PAN3: variants seen among roughly 807,000 people sequenced by gnomAD.
PAN3 encodes poly(A) specific ribonuclease subunit PAN3.
PAN3 carries 19 observed loss-of-function variants against 96.2 expected under a neutral mutation model. That is an observed-to-expected ratio of 0.20 (90% confidence interval 0.14 to 0.29). The LOEUF (loss-of-function observed/expected upper bound fraction) is 0.29, where lower values mean the gene tolerates loss of function less well. Ranked by LOEUF, PAN3 falls within the 10% of genes least tolerant of loss-of-function variation. The pLI is 1.00. For missense variants in PAN3, 882 were observed against 1,108.1 expected (o/e 0.80, Z 2.90); for synonymous variants, 433 against 406.6 (o/e 1.06, Z -0.78).
chr13:28,291,776 A>G (rs1869781301), intron 18 of PAN3, among the ~76,000 whole-genome samples: 1 of 152,158 alleles, frequency 6.6e-6, no homozygotes, highest in Admixed American at 6.5e-5. Context: ...GGTTGCAGTG[A>G]GCCAAGATTG....
intron 9 of PAN3, among the ~76,000 whole-genome samples, chr13:28,262,583 T>A (rs912061473): frequency 8.5e-5 from 13 of 152,162 alleles, no homozygotes; most frequent in African/African-American, 3.1e-4. Flanking sequence ...AATATTGTAT[T>A]TGAGGCTTTA....
At position 28,264,517 on chromosome 13, in the gene PAN3, C is replaced by CT. The variant is rs1433573490; in HGVS notation, c.1412-2197dup. Reference sequence around the variant, plus strand: ...CCATTGCGCTCCATCCTGGGAGACTCTGTCTCCAAAAAAAAAGAAAAAAGT... The same window carrying CT: ...CCATTGCGCTCCATCCTGGGAGACTCTTGTCTCCAAAAAAAAAGAAAAAAGT... On this transcript the variant is annotated intron_variant, in intron 9 of 18. Coordinates refer to ENST00000380958, the MANE Select transcript of PAN3 (RefSeq NM_175854.8). Among the ~76,000 whole-genome samples the CT allele has an allele frequency of 3.9e-5, 6 of 151,938 alleles. No individual in the cohort carries two copies. The East Asian group carries it at 1.2e-3, about 29-fold the overall frequency.
chr13:28,232,822 T>C (rs1882718021), intron 6 of PAN3, among the ~76,000 whole-genome samples: 1 of 152,102 alleles, frequency 6.6e-6, no homozygotes, highest in Non-Finnish European at 1.5e-5. Flanking sequence ...AAAGACTCCC[T>C]TTTATTATGT....
chr13:28,146,512 T>A (rs1351496422), intron 1 of PAN3, among the ~76,000 whole-genome samples: 1 of 152,124 alleles, frequency 6.6e-6, no homozygotes, highest in Non-Finnish European at 1.5e-5. Context: ...GAGGGCTCTC[T>A]CCTGGCTATA....
chr13:28,284,084 A>G (rs773183822), intron 17 of PAN3, among the ~76,000 whole-genome samples: 5 of 152,248 alleles, frequency 3.3e-5, no homozygotes, highest in Non-Finnish European at 5.9e-5. Context: ...GTGTGCCACT[A>G]TAATTTCATA....
At chr13:28,183,261 C>A (rs1055505101) in intron 4 of PAN3, among the ~76,000 whole-genome samples, 3 of 152,072 alleles carry the variant, frequency 2.0e-5, no homozygotes, top group Admixed American at 6.6e-5. Context: ...TTTTTAGGTT[C>A]TTTATGTATG....
At chr13:28,233,548 T>G (rs1243688821) in intron 6 of PAN3, among the ~76,000 whole-genome samples, 1 of 152,180 alleles carries the variant, frequency 6.6e-6, no homozygotes, top group Non-Finnish European at 1.5e-5. Context: ...ATTACAGGCA[T>G]GAGCCACCAT....
At chr13:28,179,231 TG>T (rs1348586249) in intron 4 of PAN3, among the ~76,000 whole-genome samples, 2 of 152,144 alleles carry the variant, frequency 1.3e-5, no homozygotes, top group African/African-American at 4.8e-5. Context: ...ATGTTAGCAG[TG>T]TAATAATAGA....
intron 6 of PAN3, among the ~76,000 whole-genome samples, chr13:28,243,084 G>A (rs191273147): frequency 6.6e-6 from 1 of 152,288 alleles, no homozygotes; most frequent in Admixed American, 6.5e-5. Flanking sequence ...GGCAAACAAT[G>A]ATAGCTTTAT....
intron 1 of PAN3, among the ~76,000 whole-genome samples, chr13:28,141,003 C>CTTTTTATTTA (rs1424709117): frequency 1.8e-5 from 2 of 112,944 alleles, no homozygotes; most frequent in Admixed American, 1.7e-4. Flanking sequence ...GAAAGAGACA[C>CTTTTTATTTA]TTTTTTTTTT....
intron 1 of PAN3, among the ~76,000 whole-genome samples, chr13:28,158,835 G>C (rs111563907): frequency 6.6e-5 from 10 of 150,664 alleles, no homozygotes; most frequent in South Asian, 6.3e-4. Context: ...TGGATATCGC[G>C]CCACTGCACT....
intron 1 of PAN3, among the ~76,000 whole-genome samples, chr13:28,147,772 G>A (rs1032767712): frequency 2.0e-5 from 3 of 152,024 alleles, no homozygotes; most frequent in African/African-American, 4.8e-5. Context: ...TAGTCAGTTG[G>A]GAATTGTCTA....
In PAN3 at chr13:28,255,609, A is replaced by G. The variant is rs1021765228; in HGVS notation, c.1001-683A>G. Among the ~76,000 whole-genome samples, 6 of 152,142 alleles carry G rather than the reference A, an allele frequency of 3.9e-5. No homozygotes were observed. The East Asian group carries it at 5.8e-4, about 15-fold the overall frequency. On this transcript the variant is annotated intron_variant, in intron 6 of 18. Transcript: ENST00000380958. Reference sequence around the variant, plus strand: ...GTTCCACTAGAACATAATGGTATCAATTGGCCTAATTCTAAATAGTATGCA... The same window carrying G: ...GTTCCACTAGAACATAATGGTATCAGTTGGCCTAATTCTAAATAGTATGCA...
intron 18 of PAN3, 86 bp downstream of exon 18, chr13:28,288,208 A>G: frequency 8.2e-7 from 1 of 1,223,346 alleles, no homozygotes; most frequent in Non-Finnish European, 1.1e-6. Context: ...AGGAAACTTA[A>G]GAAATCAGGA....
chr13:28,189,509 C>G (rs112098451), intron 4 of PAN3, among the ~76,000 whole-genome samples: 1,815 of 150,372 alleles, frequency 0.012, 40 homozygotes, highest in African/African-American at 0.042. Context: ...AGAGTGAGAC[C>G]CCGTCTCAAA....
At chr13:28,146,052 T>G (rs1377025794) in intron 1 of PAN3, among the ~76,000 whole-genome samples, 1 of 152,106 alleles carries the variant, frequency 6.6e-6, no homozygotes, top group Non-Finnish European at 1.5e-5. Context: ...TGAGTCACCA[T>G]GCTTGGCCCT....
intron 14 of PAN3, among the ~76,000 whole-genome samples, chr13:28,273,819 A>G (rs756777373): frequency 2.0e-4 from 31 of 152,230 alleles, no homozygotes; most frequent in Non-Finnish European, 5.9e-5. Flanking sequence ...TCTTAATTAC[A>G]TGGAGAAACA....
chr13:28,276,276 C>T (rs768162068), intron 14 of PAN3, among the ~76,000 whole-genome samples: 6 of 152,104 alleles, frequency 3.9e-5, no homozygotes, highest in Non-Finnish European at 8.8e-5. Context: ...AACGAATGTT[C>T]AGTAAATGAA....
intron 1 of PAN3, among the ~76,000 whole-genome samples, chr13:28,140,518 G>T (rs1869598095): frequency 1.3e-5 from 2 of 152,130 alleles, no homozygotes; most frequent in African/African-American, 4.8e-5. Flanking sequence ...GGTCTATGAG[G>T]ATTATTTAAT....
Sources: allele counts gnomAD v4.1 joint callset (sites outside exome capture counted in the v4.1 genomes callset), GRCh38; gene constraint gnomAD v4.1.1; transcripts MANE v1.5; gene names NCBI Gene and HGNC (gene_info 2026-07-23, HGNC 2026-07-21).